IGF2BP3: variants seen among roughly 807,000 people sequenced by gnomAD.
The protein encoded by IGF2BP3 is insulin-like growth factor 2 mRNA-binding protein 3.
In IGF2BP3, 9 loss-of-function variants were observed where a neutral mutation model predicts 73.8. The ratio of observed to expected loss-of-function variants is 0.12; its 90% confidence interval spans 0.07 to 0.21. The LOEUF is 0.21. Among genes scored for constraint, IGF2BP3 ranks in the 10% least tolerant of loss-of-function variants. The pLI is 1.00. For missense variants in IGF2BP3, 542 were observed against 714.0 expected, an observed-to-expected ratio of 0.76 and a Z score of 2.75; for synonymous variants, 258 against 256.7, an observed-to-expected ratio of 1.01 and a Z score of -0.05.
At chr7:23,431,770 AG>A (rs1380945323) in intron 2 of IGF2BP3, among the ~76,000 whole-genome samples, 2 of 152,160 alleles carry the variant, frequency 1.3e-5, no homozygotes, top group African/African-American at 4.8e-5. Context: ...GCCCCAAAAC[AG>A]ACTTAAATCG....
chr7:23,437,735 A>G (rs1787838702), intron 2 of IGF2BP3, among the ~76,000 whole-genome samples: 1 of 152,192 alleles, frequency 6.6e-6, no homozygotes, highest in Admixed American at 6.5e-5. Context: ...AACAAACTTT[A>G]AGATTTCACC....
intron 8 of IGF2BP3, among the ~76,000 whole-genome samples, chr7:23,345,364 A>G (rs1255650492): frequency 6.6e-6 from 1 of 152,258 alleles, no homozygotes; most frequent in African/African-American, 2.4e-5. Context: ...ATGATAGAGT[A>G]TAACTTCTGA....
chr7:23,366,732 G>A (rs1001264593), intron 3 of IGF2BP3, among the ~76,000 whole-genome samples: 5 of 152,068 alleles, frequency 3.3e-5, no homozygotes, highest in African/African-American at 1.2e-4. Context: ...AAAGTTTCAT[G>A]TACAAGGCTT....
At chr7:23,454,079 G>A (rs1373656990) in intron 2 of IGF2BP3, among the ~76,000 whole-genome samples, 1 of 152,130 alleles carries the variant, frequency 6.6e-6, no homozygotes, top group African/African-American at 2.4e-5. Context: ...TCATCCAAGT[G>A]CTGGGATTAC....
intron 5 of IGF2BP3, among the ~76,000 whole-genome samples, chr7:23,360,196 T>G (rs759876075): frequency 3.9e-5 from 6 of 152,188 alleles, no homozygotes; most frequent in Non-Finnish European, 8.8e-5. Context: ...CAGTTCTACT[T>G]CTGGGAATTT....
At chr7:23,322,074 G>A (rs375376227) in intron 10 of IGF2BP3, among the ~76,000 whole-genome samples, 8 of 152,340 alleles carry the variant, frequency 5.3e-5, no homozygotes, top group East Asian at 1.9e-4. Flanking sequence ...GCTGGACGGA[G>A]AGTGACTTTG....
At chr7:23,423,636 A>C (rs944086146) in intron 2 of IGF2BP3, among the ~76,000 whole-genome samples, 4 of 152,208 alleles carry the variant, frequency 2.6e-5, no homozygotes, top group African/African-American at 4.8e-5. Flanking sequence ...TTCAATTGAT[A>C]GTTAAAATGT....
At chr7:23,364,506 C>T (rs1302513207) in intron 3 of IGF2BP3, among the ~76,000 whole-genome samples, 3 of 140,940 alleles carry the variant, frequency 2.1e-5, no homozygotes, top group Non-Finnish European at 4.5e-5. Flanking sequence ...TGAGAGCACG[C>T]CACTGCATTC....
chr7:23,387,977 C>T (rs890201333), intron 3 of IGF2BP3, among the ~76,000 whole-genome samples: 1 of 151,980 alleles, frequency 6.6e-6, no homozygotes, highest in East Asian at 1.9e-4. Flanking sequence ...CGCTCTGTTG[C>T]CCAGGCTGGA....
intron 3 of IGF2BP3, among the ~76,000 whole-genome samples, chr7:23,377,299 AT>A (rs967319148): frequency 1.3e-5 from 2 of 152,144 alleles, no homozygotes; most frequent in Non-Finnish European, 2.9e-5. Context: ...CAAATAACCC[AT>A]TTTTTTATGC....
At chr7:23,452,579 G>A (rs1238965253) in intron 2 of IGF2BP3, among the ~76,000 whole-genome samples, 2 of 151,908 alleles carry the variant, frequency 1.3e-5, no homozygotes, top group African/African-American at 4.8e-5. Flanking sequence ...TGAGACGGGT[G>A]AATCACGAGG....
At chr7:23,461,193 C>T (rs1482047969) in intron 2 of IGF2BP3, among the ~76,000 whole-genome samples, 2 of 152,100 alleles carry the variant, frequency 1.3e-5, no homozygotes, top group African/African-American at 4.8e-5. Context: ...ATTTATCTCC[C>T]AGAAACAGTT....
intron 2 of IGF2BP3, among the ~76,000 whole-genome samples, chr7:23,425,509 T>C (rs1269687920): frequency 6.6e-6 from 1 of 152,126 alleles, no homozygotes; most frequent in African/African-American, 2.4e-5. Context: ...GCCTTCTGAG[T>C]AGCTGGGACC....
intron 10 of IGF2BP3, among the ~76,000 whole-genome samples, chr7:23,336,328 T>C (rs564572157): frequency 4.1e-4 from 63 of 152,306 alleles, no homozygotes; most frequent in Non-Finnish European, 1.8e-4. Context: ...TAATCTGTGA[T>C]AGCTTCAAAG....
intron 5 of IGF2BP3, among the ~76,000 whole-genome samples, chr7:23,352,016 A>T (rs1428740553): frequency 6.6e-6 from 1 of 152,202 alleles, no homozygotes; most frequent in Non-Finnish European, 1.5e-5. Context: ...TCAGAAATAT[A>T]TACTTCCTTC....
chr7:23,437,094 G>A (rs925324564), intron 2 of IGF2BP3, among the ~76,000 whole-genome samples: 1 of 152,012 alleles, frequency 6.6e-6, no homozygotes, highest in Non-Finnish European at 1.5e-5. Flanking sequence ...ACTCCAGCCT[G>A]GGCGATAGAG....
At chr7:23,448,818 G>T (rs1430938812) in intron 2 of IGF2BP3, among the ~76,000 whole-genome samples, 1 of 152,096 alleles carries the variant, frequency 6.6e-6, no homozygotes, top group African/African-American at 2.4e-5. Flanking sequence ...TTTTAGTAGA[G>T]ATGGGGTTTC....
At chr7:23,447,742 A>G (rs954700914) in intron 2 of IGF2BP3, among the ~76,000 whole-genome samples, 1 of 152,110 alleles carries the variant, frequency 6.6e-6, no homozygotes, top group African/African-American at 2.4e-5. Flanking sequence ...GGAGGCTGGA[A>G]TTTGGCAGGC....
intron 10 of IGF2BP3, among the ~76,000 whole-genome samples, chr7:23,330,110 C>G (rs932116742): frequency 6.6e-6 from 1 of 151,868 alleles, no homozygotes; most frequent in East Asian, 1.9e-4. Flanking sequence ...CATAGTAAAA[C>G]CCCATCTCCA....
Sources: allele counts gnomAD v4.1 joint callset (sites outside exome capture counted in the v4.1 genomes callset), GRCh38; gene constraint gnomAD v4.1.1; transcripts MANE v1.5; gene names NCBI Gene and HGNC (gene_info 2026-07-23, HGNC 2026-07-21).